The following EVI5 variants were observed in gnomAD, a reference collection of about 807,000 sequenced individuals.
EVI5 encodes the protein ecotropic viral integration site 5 protein homolog.
A neutral mutation model predicts 112.0 loss-of-function variants in EVI5; 73 were observed. The ratio of observed to expected loss-of-function variants is 0.65; its 90% CI spans 0.54 to 0.79. The LOEUF (loss-of-function observed/expected upper bound fraction) is 0.79, where lower values mean the gene tolerates loss of function less well. Among genes scored for constraint, EVI5 ranks in the 30% least tolerant of loss-of-function variants. The pLI, the probability that EVI5 is intolerant of heterozygous loss-of-function variation, is 0.00. For missense variants in EVI5, 900 were observed against 968.8 expected (o/e 0.93, Z 0.94); for synonymous variants, 305 against 319.9 (o/e 0.95, Z 0.50).
In EVI5 at chr1:92,723,407, T is replaced by G. The variant is rs1388330987; in HGVS notation, c.149+12991A>C. On this transcript the variant is annotated intron_variant, in intron 2 of 19. Coordinates refer to ENST00000684568, the MANE Select transcript of EVI5 (RefSeq NM_001350197.2). ...GCAGAAGAAGATAAATTGTGAAGAT[T>G]TCATGGACATTTATCAGTTCCCAAA... 2.6e-5 allele frequency among the ~76,000 whole-genome samples: 4 copies of G among 152,326 alleles called. No homozygotes were observed. The South Asian group carries it at 6.2e-4, about 24-fold the overall frequency.
At chr1:92,687,435 C>T (rs1372361578) in intron 9 of EVI5, among the ~76,000 whole-genome samples, 2 of 152,082 alleles carry the variant, frequency 1.3e-5, no homozygotes, top group African/African-American at 4.8e-5. Context: ...ACCATAAAAA[C>T]CCTAGAAGAA....
At chr1:92,712,146 T>G (rs1196036530) in intron 2 of EVI5, among the ~76,000 whole-genome samples, 1 of 152,154 alleles carries the variant, frequency 6.6e-6, no homozygotes, top group Non-Finnish European at 1.5e-5. Context: ...CAAAACTACA[T>G]GCCTAACCCA....
At chr1:92,768,168 G>T (rs555809161) in intron 1 of EVI5, among the ~76,000 whole-genome samples, 7 of 150,930 alleles carry the variant, frequency 4.6e-5, no homozygotes, top group African/African-American at 1.7e-4. Context: ...TCCTCAAAAT[G>T]CTGCACTATA....
At chr1:92,730,818 CAA>C (rs1347000644) in intron 2 of EVI5, among the ~76,000 whole-genome samples, 1 of 151,984 alleles carries the variant, frequency 6.6e-6, no homozygotes, top group Non-Finnish European at 1.5e-5. Context: ...CACTTCCATT[CAA>C]ATTTATACAG....
intron 1 of EVI5, among the ~76,000 whole-genome samples, chr1:92,760,361 G>C (rs2102985191): frequency 6.6e-6 from 1 of 152,190 alleles, no homozygotes; most frequent in South Asian, 2.1e-4. Context: ...CTTTTTTCCT[G>C]TTCTGAATAA....
At chr1:92,747,584 G>C (rs1285157416) in intron 1 of EVI5, among the ~76,000 whole-genome samples, 1 of 151,676 alleles carries the variant, frequency 6.6e-6, no homozygotes, top group Non-Finnish European at 1.5e-5. Context: ...AGTGATGTTG[G>C]GTGCCTGTAG....
chr1:92,734,617 A>C (rs1677041634), intron 2 of EVI5, among the ~76,000 whole-genome samples: 1 of 152,122 alleles, frequency 6.6e-6, no homozygotes, highest in Non-Finnish European at 1.5e-5. Flanking sequence ...ATTGTCATGG[A>C]CATGTATAGT....
At chr1:92,525,075 G>A (rs1017597090) in intron 19 of EVI5, among the ~76,000 whole-genome samples, 3 of 152,162 alleles carry the variant, frequency 2.0e-5, no homozygotes, top group African/African-American at 4.8e-5. Flanking sequence ...TGATCTGCCC[G>A]CCTTGGTCTC....
intron 18 of EVI5, among the ~76,000 whole-genome samples, chr1:92,582,134 A>G (rs1481227210): frequency 6.6e-6 from 1 of 152,210 alleles, no homozygotes; most frequent in Non-Finnish European, 1.5e-5. Context: ...TGGGCTACAA[A>G]TATGTACAGC....
At position 92,605,362 on chromosome 1, in the gene EVI5, T is replaced by G. The variant is rs200437375; in HGVS notation, c.2015A>C (p.Asp672Ala). The G allele has an allele frequency of 4.3e-6, 7 of 1,613,722 alleles. No individual in the cohort carries two copies. In the Admixed American group the frequency reaches 1.0e-4, roughly 23 times the overall value. Residue 672 changes from aspartate (D) to alanine (A), a missense_variant, in exon 18 of 20, where the codon GAT (aspartate) becomes GCT (alanine). Physicochemically the swap from Asp to Ala is moderately radical, Grantham distance 126. Transcript: ENST00000684568. ...EVMAVRLREADSIAAVAELRQ... is the reference protein window; with the variant it reads ...EVMAVRLREAASIAAVAELRQ... The stretch of plus-strand genomic sequence containing the variant: ...TAGTTCAGCCACAGCAGCTATGCTA[T>G]CTGCTTCCCGAAGCCTCACAGCCAT...
At chr1:92,596,352 C>G (rs1248395966) in intron 18 of EVI5, among the ~76,000 whole-genome samples, 2 of 151,958 alleles carry the variant, frequency 1.3e-5, no homozygotes, top group Non-Finnish European at 2.9e-5. Context: ...GAAGTGAGAC[C>G]CTGTCTTGAA....
chr1:92,515,993 C>A (rs542647788), intron 19 of EVI5, among the ~76,000 whole-genome samples: 32 of 152,264 alleles, frequency 2.1e-4, no homozygotes, highest in Non-Finnish European at 4.3e-4. Context: ...CTTGGCAGAA[C>A]AGAGGGATCT....
chr1:92,668,288 A>G (rs903549037), intron 10 of EVI5, among the ~76,000 whole-genome samples: 2 of 152,220 alleles, frequency 1.3e-5, no homozygotes, highest in African/African-American at 2.4e-5. Context: ...CTCAGACAAA[A>G]TAACAGCTTG....
Position 92,510,508 on chromosome 1 carries a change from A to G in EVI5, c.*3148T>C, listed in dbSNP as rs1557682534. 2 of 152,252 alleles carry G rather than the reference A, an allele frequency of 1.3e-5. No homozygotes were observed. Among genetic ancestry groups the G allele is most frequent in the Admixed American group, 6.5e-5 (1 of 15,284 alleles). 9.4% of individuals were successfully genotyped at this position (152,252 alleles called of 1,614,324 possible). The stretch of plus-strand genomic sequence containing the variant: ...TACGTTTCCAAATCATAAGCTTAAT[A>G]GCAAAAGCAAACAATTTGACCTACC... On this transcript the variant is annotated 3_prime_UTR_variant, in exon 20 of 20. Transcript: ENST00000684568.
rs1015301741 is a variant in EVI5, at chr1:92,745,980, T to C, written c.-81-9353A>G. Among the ~76,000 whole-genome samples, 9 of 152,334 alleles carry C rather than the reference T, an allele frequency of 5.9e-5. 1 individual carries two copies. Among genetic ancestry groups the C allele is most frequent in the Admixed American group, 3.9e-4 (6 of 15,304 alleles). On this transcript the variant is annotated intron_variant, in intron 1 of 19. Coordinates refer to ENST00000684568, the MANE Select transcript of EVI5 (RefSeq NM_001350197.2). Reference sequence around the variant, plus strand: ...AGTCCTTACATAACAAAGAGCAACCTAACTTAGTTGGCAAACTAACTGAAA... The same window carrying C: ...AGTCCTTACATAACAAAGAGCAACCCAACTTAGTTGGCAAACTAACTGAAA...
intron 2 of EVI5, among the ~76,000 whole-genome samples, chr1:92,712,317 G>C (rs943675257): frequency 4.6e-5 from 7 of 152,082 alleles, no homozygotes; most frequent in African/African-American, 1.7e-4. Context: ...AAATGACAGG[G>C]ATTTCTCTAG....
chr1:92,643,059 T>G (rs375379083), intron 13 of EVI5, among the ~76,000 whole-genome samples: 2 of 152,150 alleles, frequency 1.3e-5, no homozygotes, highest in African/African-American at 4.8e-5. Flanking sequence ...TCAGGAAAAG[T>G]TGTCCAACAT....
At chr1:92,537,202 T>C (rs374433211) in intron 19 of EVI5, among the ~76,000 whole-genome samples, 25 of 152,272 alleles carry the variant, frequency 1.6e-4, no homozygotes, top group South Asian at 4.1e-4. Flanking sequence ...GTTTAAACCA[T>C]TGAAGTGAAT....
intron 19 of EVI5, among the ~76,000 whole-genome samples, chr1:92,534,031 C>T (rs541776079): frequency 6.6e-6 from 1 of 152,282 alleles, no homozygotes; most frequent in Admixed American, 6.5e-5. Flanking sequence ...TTAGAAAACC[C>T]CATTGTCTCA....
Sources: gnomAD v4.1 joint callset for allele counts (sites outside exome capture counted in the v4.1 genomes callset) on GRCh38, gnomAD v4.1.1 for gene constraint, MANE v1.5 for transcripts, NCBI Gene and HGNC (gene_info 2026-07-23, HGNC 2026-07-21) for gene names.